Variants in TNNI1 observed in about 807,000 individuals in gnomAD.
TNNI1 encodes the protein troponin I, slow skeletal muscle.
A neutral mutation model predicts 26.7 loss-of-function variants in TNNI1; 14 were observed. That is an observed-to-expected ratio of 0.52 (90% CI 0.35 to 0.82). The LOEUF is 0.82. Among genes scored for constraint, TNNI1 ranks in the 40% least tolerant of loss-of-function variants. The probability of loss-of-function intolerance (pLI) is 0.01; values close to 1 mark genes in which losing one functional copy is unlikely to be tolerated. For missense variants in TNNI1, 164 were observed against 257.0 expected, an observed-to-expected ratio of 0.64 and a Z score of 2.47; for synonymous variants, 79 against 98.2, an observed-to-expected ratio of 0.80 and a Z score of 1.16.
chr1:201,420,769 GGCGCTGGGCTGCCC>G (rs1662843172), intron 1 of TNNI1, among the ~76,000 whole-genome samples: 1 of 151,898 alleles, frequency 6.6e-6, no homozygotes, highest in Non-Finnish European at 1.5e-5. Context: ...CCAAGTGCAT[GGCGCTGGGCTGCCC>G]CCATCTTGAG....
chr1:201,416,390 C>T (rs1432145069), intron 3 of TNNI1, among the ~76,000 whole-genome samples: 3 of 152,206 alleles, frequency 2.0e-5, no homozygotes, highest in African/African-American at 7.2e-5. Flanking sequence ...TCAGTGAGGA[C>T]TCACTTTAAT....
At chr1:201,419,436 C>A (rs189781576) in intron 1 of TNNI1, among the ~76,000 whole-genome samples, 38 of 152,204 alleles carry the variant, frequency 2.5e-4, no homozygotes, top group Admixed American at 2.4e-3. Flanking sequence ...TGTGCAGGGG[C>A]GCACAGGAGC....
intron 4 of TNNI1, 66 bp downstream of exon 4, chr1:201,415,147 A>G: frequency 7.1e-7 from 1 of 1,400,052 alleles, no homozygotes. Context: ...ACATCCCTTC[A>G]GAGTCTGCTC....
rs1050059744 is a variant in TNNI1 at position 201,407,988 on chromosome 1, A to G, written c.*1265T>C. The stretch of plus-strand genomic sequence containing the variant: ...AACCTGGGAGGCGGAGGTTGCAGTG[A>G]GTCGAGATCGCGTCACTGCACTCCA... On this transcript the variant is annotated 3_prime_UTR_variant, in exon 9 of 9. Coordinates refer to ENST00000361379, the MANE Select transcript of TNNI1 (RefSeq NM_003281.4). 1 of 150,682 alleles carries G rather than the reference A, an allele frequency of 6.6e-6. No individual in the cohort carries two copies. Among genetic ancestry groups the G allele is most frequent in the Non-Finnish European group, 1.5e-5 (1 of 67,882 alleles). 9.3% of individuals were successfully genotyped at this position (150,682 alleles called of 1,614,324 possible). A position where few individuals can be genotyped will look rare whatever the true frequency, so the allele number is the denominator to read the frequency against.
chr1:201,418,043 GC>G (rs1472231648), intron 1 of TNNI1, among the ~76,000 whole-genome samples: 1 of 143,996 alleles, frequency 6.9e-6, no homozygotes, highest in Non-Finnish European at 1.5e-5. Context: ...AGAATTGTAA[GC>G]TTTTTTTTTT....
chr1:201,417,641 C>A (rs1192492424), intron 2 of TNNI1, 142 bp downstream of exon 2: 4 of 623,900 alleles, frequency 6.4e-6, no homozygotes, highest in Non-Finnish European at 9.6e-6. Context: ...GGGAAACCAT[C>A]AAGTGCTGCC....
At position 201,409,645 on chromosome 1, in the gene TNNI1, C is replaced by T. The variant is rs138128871; in HGVS notation, c.*3-395G>A. 1.6e-4 allele frequency among the ~76,000 whole-genome samples: 25 copies of T among 152,344 alleles called. No individual in the cohort carries two copies. The East Asian group carries it at 4.2e-3, about 26-fold the overall frequency. On this transcript the variant is annotated intron_variant, in intron 8 of 8. Transcript: ENST00000361379. ...TCCAGAAAGCCTGCTCTGACCAGTG[C>T]TGTCTGGTGGATGCCTGCCCTATTG...
chr1:201,420,183 C>T (rs1558284475), intron 1 of TNNI1, among the ~76,000 whole-genome samples: 1 of 152,240 alleles, frequency 6.6e-6, no homozygotes, highest in Non-Finnish European at 1.5e-5. Context: ...TTTACACCTC[C>T]TGCCAAGCTC....
Position 201,406,284 on chromosome 1 carries a change from G to C in TNNI1, c.*2969C>G, listed in dbSNP as rs1251562288. On this transcript the variant is annotated 3_prime_UTR_variant, in exon 9 of 9. Coordinates refer to ENST00000361379, the MANE Select transcript of TNNI1 (RefSeq NM_003281.4). ...GAGCTAACAAATGTACCATTTTTGTGAGAATGCAATGATATAACTCAGATA... is the reference window on the plus strand; with the variant it reads ...GAGCTAACAAATGTACCATTTTTGTCAGAATGCAATGATATAACTCAGATA... 1 of 152,164 alleles carries C rather than the reference G, an allele frequency of 6.6e-6. No individual in the cohort carries two copies. The highest frequency in any genetic ancestry group is 1.5e-5 in the Non-Finnish European group (1 of 68,050). 9.4% of individuals were successfully genotyped at this position (152,164 alleles called of 1,614,324 possible).
rs1662484192 is a variant in TNNI1, at chr1:201,404,776, A to T, written c.*4477T>A. 1 of 152,298 alleles carries T rather than the reference A, an allele frequency of 6.6e-6. No individual in the cohort carries two copies. Among genetic ancestry groups the T allele is most frequent in the East Asian group, 1.9e-4 (1 of 5,200 alleles). 9.4% of individuals were successfully genotyped at this position (152,298 alleles called of 1,614,324 possible). ...AGAAGAGCATCTGGGAGGCACTAGT[A>T]CAGGGGACACACAGGTGTCTGTGAC... On this transcript the variant is annotated 3_prime_UTR_variant, in exon 9 of 9. Transcript: ENST00000361379.
intron 1 of TNNI1, among the ~76,000 whole-genome samples, chr1:201,421,041 C>T (rs997005623): frequency 1.1e-4 from 16 of 152,318 alleles, no homozygotes; most frequent in African/African-American, 3.8e-4. Context: ...CTTCTCAGAG[C>T]CAGGAGCTCT....
chr1:201,416,766 G>C (rs538302854), intron 3 of TNNI1, among the ~76,000 whole-genome samples: 1 of 152,292 alleles, frequency 6.6e-6, no homozygotes, highest in South Asian at 2.1e-4. Flanking sequence ...GCTCTGCATG[G>C]AATAGGATGG....
chr1:201,406,777 A>G lies in TNNI1; in HGVS notation c.*2476T>C, dbSNP rs1279135863. 1.3e-5 allele frequency: 2 copies of G among 152,302 alleles called. No individual in the cohort carries two copies. Among genetic ancestry groups the G allele is most frequent in the Non-Finnish European group, 2.9e-5 (2 of 68,124 alleles). 9.4% of individuals were successfully genotyped at this position (152,302 alleles called of 1,614,324 possible). A position where few individuals can be genotyped will look rare whatever the true frequency, so the allele number is the denominator to read the frequency against. On this transcript the variant is annotated 3_prime_UTR_variant, in exon 9 of 9. Coordinates refer to ENST00000361379, the MANE Select transcript of TNNI1 (RefSeq NM_003281.4). Reference sequence around the variant, plus strand: ...TTCCCCTTGTCCACAGGGCCTCTCAATCCTTGCGCTCCAGATATGTCTATG... The same window carrying G: ...TTCCCCTTGTCCACAGGGCCTCTCAGTCCTTGCGCTCCAGATATGTCTATG...
rs16848538 is a variant in TNNI1 at position 201,414,447 on chromosome 1, C to A, written c.189+71G>T. 29 of 1,375,236 alleles carry A rather than the reference C, an allele frequency of 2.1e-5. 1 individual carries two copies. In the South Asian group the frequency reaches 3.7e-4, roughly 18 times the overall value. The allele number at this position is 1,375,236 out of a possible 1,614,324, so 85.2% of individuals were successfully genotyped here. A position where few individuals can be genotyped will look rare whatever the true frequency, so the allele number is the denominator to read the frequency against. ...AGCTGGTGTTAGTTCAGGCTCCTGC[C>A]GCCTGGTCCTTGGAGCCACCCACAC... is the stretch of plus-strand genomic sequence containing the variant. On this transcript the variant is annotated intron_variant, in intron 5 of 8. Coordinates refer to ENST00000361379, the MANE Select transcript of TNNI1 (RefSeq NM_003281.4).
At position 201,405,040 on chromosome 1, in the gene TNNI1, A is replaced by C. The variant is rs1662489831; in HGVS notation, c.*4213T>G. The C allele has an allele frequency of 1.3e-5, 2 of 152,400 alleles. No homozygotes were observed. Among genetic ancestry groups the C allele is most frequent in the Admixed American group, 1.3e-4 (2 of 15,286 alleles). The allele number at this position is 152,400 out of a possible 1,614,324, so 9.4% of individuals were successfully genotyped here. A position where few individuals can be genotyped will look rare whatever the true frequency, so the allele number is the denominator to read the frequency against. ...CCAGTGAGAGAGGCCAATGGTTGGC[A>C]CTGGAGCCAGTTGGGGTGCTGAGTT... On this transcript the variant is annotated 3_prime_UTR_variant, in exon 9 of 9. Coordinates refer to ENST00000361379, the MANE Select transcript of TNNI1 (RefSeq NM_003281.4).
In TNNI1 at chr1:201,407,394, T is replaced by C. The variant is rs979538198; in HGVS notation, c.*1859A>G. On this transcript the variant is annotated 3_prime_UTR_variant, in exon 9 of 9. Coordinates refer to ENST00000361379, the MANE Select transcript of TNNI1 (RefSeq NM_003281.4). ...CTGCCTCTCTGCCCACTGACCTATTTATAGCAAGAACCCTGGGCAGAGTGC... is the reference window on the plus strand; with the variant it reads ...CTGCCTCTCTGCCCACTGACCTATTCATAGCAAGAACCCTGGGCAGAGTGC... The C allele has an allele frequency of 1.3e-5, 2 of 152,204 alleles. No homozygotes were observed. Among genetic ancestry groups the C allele is most frequent in the Non-Finnish European group, 2.9e-5 (2 of 68,040 alleles). The allele number at this position is 152,204 out of a possible 1,614,324, so 9.4% of individuals were successfully genotyped here.
At chr1:201,415,348 CTATCTT>C in intron 3 of TNNI1, 94 bp from the exon 4 acceptor site, 1 of 1,319,100 alleles carries the variant, frequency 7.6e-7, no homozygotes, top group Non-Finnish European at 1.1e-6. Flanking sequence ...CCAGCGTTCT[CTATCTT>C]TATCCGGAAT....
chr1:201,415,186 C>A (rs761629300), intron 4 of TNNI1, 27 bp downstream of exon 4: 3 of 1,602,250 alleles, frequency 1.9e-6, no homozygotes, highest in Middle Eastern at 1.8e-4. Context: ...CACTGGGCAT[C>A]CCCCCACAGC....
At chr1:201,410,457 A>G in intron 7 of TNNI1, 22 bp from the exon 8 acceptor site, 1 of 1,607,012 alleles carries the variant, frequency 6.2e-7, no homozygotes, top group South Asian at 1.1e-5. Context: ...TGGCACACAC[A>G]TCAGGGACTT....
Sources: gnomAD v4.1 joint callset for allele counts (sites outside exome capture counted in the v4.1 genomes callset) on GRCh38, gnomAD v4.1.1 for gene constraint, MANE v1.5 for transcripts, NCBI Gene and HGNC (gene_info 2026-07-23, HGNC 2026-07-21) for gene names.